The following PPP1R7 variants were observed in gnomAD, a reference collection of about 807,000 sequenced individuals.
PPP1R7 encodes protein phosphatase 1 regulatory subunit 22.
PPP1R7 carries 18 observed loss-of-function variants against 45.2 expected under a neutral mutation model. That is an observed-to-expected ratio of 0.40 (90% CI 0.28 to 0.59). The LOEUF (loss-of-function observed/expected upper bound fraction) is 0.59. Among genes scored for constraint, PPP1R7 ranks in the 20% least tolerant of loss-of-function variants. The probability of loss-of-function intolerance (pLI) is 0.46; values close to 1 mark genes in which losing one functional copy is unlikely to be tolerated. For synonymous variants in PPP1R7, 181 were observed against 183.4 expected (o/e 0.99, Z 0.11); for missense variants, 314 against 455.8 (o/e 0.69, Z 2.83).
At position 241,150,508 on chromosome 2, in the gene PPP1R7, C is replaced by G. The variant is rs1205961581; in HGVS notation, c.13C>G (p.Arg5Gly). The change falls in exon 1 of 10, where the codon CGC (arginine) becomes GGC (glycine). Residue 5 changes from arginine (R) to glycine (G), a missense_variant. Arg to Gly is a moderately radical substitution (Grantham distance 125). This residue lies in a region of PPP1R7 where 34 missense variants were observed against 26.0 expected (regional missense o/e 1.31). Coordinates refer to ENST00000234038, the MANE Select transcript of PPP1R7 (RefSeq NM_002712.3). Reference protein sequence around the residue: MAAERGAGQQQSQEM... With the variant: MAAEGGAGQQQSQEM... ...AAGAGCAGCCAACATGGCGGCGGAACGCGGCGCGGGGCAGCAACAGTCGCA... is the reference window on the plus strand; with the variant it reads ...AAGAGCAGCCAACATGGCGGCGGAAGGCGGCGCGGGGCAGCAACAGTCGCA... 14 of 1,597,954 alleles carry G rather than the reference C, an allele frequency of 8.8e-6. No homozygotes were observed. The highest frequency in any genetic ancestry group is 5.5e-5 in the African/African-American group (4 of 73,030).
intron 6 of PPP1R7, among the ~76,000 whole-genome samples, chr2:241,162,713 C>T (rs184513913): frequency 0.017 from 2,514 of 146,868 alleles, 84 homozygotes; most frequent in African/African-American, 0.06. Context: ...GACGGAGTCT[C>T]GTGCTGTTGC....
rs200351113 is a variant in PPP1R7, at chr2:241,153,540, C to T, written c.117C>T (p.Ile39=). ...AAGGGAAGAAACACAGCAGTGGCAT[C>T]GTGGCCGACCTCAGTGAACAGAGCC... The part of the protein sequence containing the change: ...DEEGKKHSSG[I]VADLSEQSLK... Residue 39 remains isoleucine, a synonymous_variant, in exon 2 of 10, where the codon ATC becomes ATT. Coordinates refer to ENST00000234038, the MANE Select transcript of PPP1R7 (RefSeq NM_002712.3). 9.3e-6 allele frequency: 15 copies of T among 1,614,148 alleles called. No individual in the cohort carries two copies. Among genetic ancestry groups the T allele is most frequent in the South Asian group, 6.6e-5 (6 of 91,082 alleles).
intron 7 of PPP1R7, among the ~76,000 whole-genome samples, chr2:241,164,790 G>A (rs1245447810): frequency 6.6e-6 from 1 of 152,198 alleles, no homozygotes; most frequent in African/African-American, 2.4e-5. Flanking sequence ...GCTCACGCCT[G>A]TAATCCCAGC....
chr2:241,162,454 G>GCGTGGTC (rs1397287008), intron 6 of PPP1R7, among the ~76,000 whole-genome samples: 11 of 152,326 alleles, frequency 7.2e-5, no homozygotes, highest in African/African-American at 1.9e-4. Flanking sequence ...ACCATGGGGA[G>GCGTGGTC]ACCAGACAGG....
At chr2:241,181,253 T>C (rs908919849) in intron 9 of PPP1R7, among the ~76,000 whole-genome samples, 5 of 152,130 alleles carry the variant, frequency 3.3e-5, no homozygotes, top group African/African-American at 1.2e-4. Flanking sequence ...GCACGTTATA[T>C]TCCTCTCTGG....
At chr2:241,153,717 G>C in intron 2 of PPP1R7, 113 bp downstream of exon 2, 2 of 1,389,408 alleles carry the variant, frequency 1.4e-6, no homozygotes, top group Non-Finnish European at 1.9e-6. Context: ...GGACTGCCGT[G>C]CTCCTTAGGG....
Position 241,183,497 on chromosome 2 carries a change from A to G in PPP1R7, c.*674A>G, listed in dbSNP as rs2149075903. The stretch of plus-strand genomic sequence containing the variant: ...GTGTGGGGAGGGTGTCCTGTGTCCC[A>G]CACGGTGCTGTGCTGCTGCCAGAAT... On this transcript the variant is annotated 3_prime_UTR_variant, in exon 10 of 10. Coordinates refer to ENST00000234038, the MANE Select transcript of PPP1R7 (RefSeq NM_002712.3). 1 of 470,280 alleles carries G rather than the reference A, an allele frequency of 2.1e-6. No individual in the cohort carries two copies. Among genetic ancestry groups the G allele is most frequent in the South Asian group, 1.6e-5 (1 of 64,436 alleles). The allele number at this position is 470,280 out of a possible 1,614,324, so 29.1% of individuals were successfully genotyped here.
At chr2:241,156,208 C>T (rs767470301) in intron 2 of PPP1R7, among the ~76,000 whole-genome samples, 7 of 152,150 alleles carry the variant, frequency 4.6e-5, no homozygotes, top group Non-Finnish European at 1.0e-4. Context: ...TAGGAAGAGC[C>T]ACAGTAACAG....
At position 241,183,328 on chromosome 2, in the gene PPP1R7, TA is replaced by T; in HGVS notation, c.*511del. ...TCAATTTTTTAAAAATTAGGTAAGT[TA>T]AAAAAGCTGGGTAAAAGCTGACTCA... On this transcript the variant is annotated 3_prime_UTR_variant, in exon 10 of 10. Transcript: ENST00000234038. 1 of 435,226 alleles carries T rather than the reference TA, an allele frequency of 2.3e-6. No homozygotes were observed. The highest frequency in any genetic ancestry group is 4.7e-6 in the Non-Finnish European group (1 of 213,426). The allele number at this position is 435,226 out of a possible 1,614,324, so 27.0% of individuals were successfully genotyped here. A position where few individuals can be genotyped will look rare whatever the true frequency, so the allele number is the denominator to read the frequency against.
intron 6 of PPP1R7, among the ~76,000 whole-genome samples, chr2:241,162,481 C>T (rs1268980557): frequency 6.6e-6 from 1 of 152,114 alleles, no homozygotes; most frequent in Non-Finnish European, 1.5e-5. Flanking sequence ...TGGTCACTGC[C>T]TCTGGAGGTT....
chr2:241,166,202 C>A, intron 7 of PPP1R7, 135 bp from the exon 8 acceptor site: 2 of 716,920 alleles, frequency 2.8e-6, no homozygotes, highest in Admixed American at 5.1e-5. Context: ...GCGCCCGGCC[C>A]CATTCTAGCA....
At chr2:241,169,598 C>T (rs142185224) in intron 8 of PPP1R7, among the ~76,000 whole-genome samples, 183 bp from the exon 9 acceptor site, 156 of 152,150 alleles carry the variant, frequency 1.0e-3, no homozygotes, top group African/African-American at 3.4e-3. Flanking sequence ...GAAACACTGT[C>T]CCAGGGAGGG....
upstream of PPP1R7, chr2:241,150,021 C>G: frequency 7.2e-7 from 1 of 1,390,318 alleles, no homozygotes; most frequent in Non-Finnish European, 9.3e-7. Context: ...GCCCATTGTA[C>G]AGACGCAGCC....
At chr2:241,168,874 C>G (rs1242842384) in intron 8 of PPP1R7, among the ~76,000 whole-genome samples, 1 of 152,134 alleles carries the variant, frequency 6.6e-6, no homozygotes, top group African/African-American at 2.4e-5. Flanking sequence ...TTTTAACTTT[C>G]CCTTAAAACT....
At chr2:241,154,107 G>C (rs567914217) in intron 2 of PPP1R7, among the ~76,000 whole-genome samples, 1 of 147,988 alleles carries the variant, frequency 6.8e-6, no homozygotes, top group East Asian at 2.0e-4. Context: ...TTGAACCCAG[G>C]AGGTGGAGGT....
In PPP1R7 at chr2:241,166,047, C is replaced by T. The variant is rs973918507; in HGVS notation, c.715-290C>T. Among the ~76,000 whole-genome samples, 15 of 151,838 alleles carry T rather than the reference C, an allele frequency of 9.9e-5. No individual in the cohort carries two copies. In the South Asian group the frequency reaches 1.0e-3, roughly 11 times the overall value. On this transcript the variant is annotated intron_variant, in intron 7 of 9. Coordinates refer to ENST00000234038, the MANE Select transcript of PPP1R7 (RefSeq NM_002712.3). ...CCTCCCGAGTAGCTGGGACTACAGG[C>T]GCCCATCATCACACCTGGCTAATTT...
At chr2:241,182,261 C>T (rs1343614325) in intron 9 of PPP1R7, among the ~76,000 whole-genome samples, 3 of 152,204 alleles carry the variant, frequency 2.0e-5, no homozygotes, top group Non-Finnish European at 4.4e-5. Flanking sequence ...ACAGTGATGG[C>T]GCAGAGTGCA....
At position 241,180,876 on chromosome 2, in the gene PPP1R7, C is replaced by A. The variant is rs140693607; in HGVS notation, c.907-1771C>A. Among the ~76,000 whole-genome samples the A allele has an allele frequency of 6.0e-4, 91 of 152,174 alleles. No homozygotes were observed. In the East Asian group the frequency reaches 0.017, roughly 28 times the overall value. ...TTCTTGGTTTCCCAAGGCTGGTACG[C>A]ACTAGTCCCACAAAAGGTTCTGTGA... On this transcript the variant is annotated intron_variant, in intron 9 of 9. Transcript: ENST00000234038.
intron 7 of PPP1R7, among the ~76,000 whole-genome samples, chr2:241,165,227 G>C (rs1397323451): frequency 6.6e-6 from 1 of 152,086 alleles, no homozygotes; most frequent in African/African-American, 2.4e-5. Flanking sequence ...GAGCACAGGG[G>C]TGCAATCTCG....
Sources: gnomAD v4.1 joint callset for allele counts (sites outside exome capture counted in the v4.1 genomes callset) on GRCh38, gnomAD v4.1.1 for gene constraint, gnomAD v4.1.1 regional missense constraint, MANE v1.5 for transcripts, NCBI Gene and HGNC (gene_info 2026-07-23, HGNC 2026-07-21) for gene names.